MACROH2A2: variants seen among roughly 807,000 people sequenced by gnomAD.
MACROH2A2 encodes macroH2A.2 histone.
A neutral mutation model predicts 37.6 loss-of-function variants in MACROH2A2; 6 were observed. That is an observed-to-expected ratio of 0.16 (90% CI 0.09 to 0.32). MACROH2A2 has a LOEUF of 0.32. MACROH2A2 is among the 10% of genes least tolerant of loss of function. The probability of loss-of-function intolerance (pLI) is 1.00; values close to 1 mark genes in which losing one functional copy is unlikely to be tolerated. For synonymous variants in MACROH2A2, 192 were observed against 202.7 expected, an observed-to-expected ratio of 0.95 and a Z score of 0.45; for missense variants, 290 against 485.9, an observed-to-expected ratio of 0.60 and a Z score of 3.79.
chr10:70,111,592 C>T lies in MACROH2A2; in HGVS notation c.1028C>T (p.Ala343Val), dbSNP rs375816544. ...AISAHFDDSS[A>V]SSLKNVYFLL... ...TCAGCCCACTTTGATGACTCGAGCG[C>T]GTCCTCGCTGAAGAACGTGTACTTC... The change falls in exon 9 of 9, where the codon GCG (alanine) becomes GTG (valine). Residue 343 changes from alanine (A) to valine (V), a missense_variant. By Grantham distance (64) the Ala-to-Val change is moderately conservative. Around this residue, in one of 3 missense-constraint regions of MACROH2A2, gnomAD observed 130 missense variants for 257.1 expected, o/e 0.51. Transcript: ENST00000373255. 3.1e-6 allele frequency: 5 copies of T among 1,613,652 alleles called. No individual in the cohort carries two copies. The highest frequency in any genetic ancestry group is 1.7e-5 in the Admixed American group (1 of 59,954).
chr10:70,099,008 T>C (rs1186119127), intron 6 of MACROH2A2: 1 of 152,206 alleles, frequency 6.6e-6, no homozygotes, highest in Non-Finnish European at 1.5e-5. Context: ...AGGGCGCCAG[T>C]GTAGACCTAG....
At chr10:70,079,512 C>T (rs1395759006) in intron 2 of MACROH2A2, among the ~76,000 whole-genome samples, 1 of 151,234 alleles carries the variant, frequency 6.6e-6, no homozygotes, top group Non-Finnish European at 1.5e-5. Context: ...GGGCAGCAGG[C>T]GCTAGACTGT....
At chr10:70,078,772 G>C (rs955275880) in intron 2 of MACROH2A2, among the ~76,000 whole-genome samples, 3 of 152,214 alleles carry the variant, frequency 2.0e-5, no homozygotes, top group African/African-American at 7.2e-5. Flanking sequence ...GAGACAAGGT[G>C]TTTTAATCCA....
At chr10:70,098,077 C>CA (rs1163765803) in intron 6 of MACROH2A2, 1 of 152,040 alleles carries the variant, frequency 6.6e-6, no homozygotes, top group Non-Finnish European at 1.5e-5. Context: ...CCCATCTCTA[C>CA]AAAAAATACA....
rs2072298988 is a variant in MACROH2A2, at chr10:70,100,284, G to A, written c.765G>A (p.Leu255=). 2 of 1,598,320 alleles carry A rather than the reference G, an allele frequency of 1.3e-6. No individual in the cohort carries two copies. The highest frequency in any genetic ancestry group is 1.7e-6 in the Non-Finnish European group (2 of 1,166,764). Residue 255 remains leucine, a synonymous_variant, in exon 7 of 9, where the codon TTG becomes TTA. Coordinates refer to ENST00000373255, the MANE Select transcript of MACROH2A2 (RefSeq NM_018649.3). ...AGCTTCGCAAATCCCAAGGCCCTTT[G>A]GAAGTCGCCGAAGGTAAGTGTGGAA... ...VKELRKSQGP[L]EVAEAAVSQS...
Position 70,107,098 on chromosome 10 carries a change from A to G in MACROH2A2, c.779-1935A>G, listed in dbSNP as rs560170590. Among the ~76,000 whole-genome samples, 3 of 152,274 alleles carry G rather than the reference A, an allele frequency of 2.0e-5. No individual in the cohort carries two copies. Among genetic ancestry groups the G allele is most frequent in the South Asian group, 2.1e-4 (1 of 4,822 alleles). On this transcript the variant is annotated intron_variant, in intron 7 of 8. Coordinates refer to ENST00000373255, the MANE Select transcript of MACROH2A2 (RefSeq NM_018649.3). The surrounding 1 kb of genome is among the most constrained non-coding windows in gnomAD (Gnocchi z 4.4). Reference sequence around the variant, plus strand: ...ATACGTGGTCGTAGAGTCAGCACGCATGGCGGGCCCCTACCCAGGGCCTCG... The same window carrying G: ...ATACGTGGTCGTAGAGTCAGCACGCGTGGCGGGCCCCTACCCAGGGCCTCG...
chr10:70,074,057 C>T (rs1458179363), intron 1 of MACROH2A2, among the ~76,000 whole-genome samples: 1 of 152,176 alleles, frequency 6.6e-6, no homozygotes, highest in Non-Finnish European at 1.5e-5. Context: ...TTGCTCCTGA[C>T]CGTTTGTCCC....
chr10:70,105,134 A>ATAT (rs983670495), intron 7 of MACROH2A2, among the ~76,000 whole-genome samples: 5 of 152,308 alleles, frequency 3.3e-5, no homozygotes, highest in Non-Finnish European at 7.3e-5. Flanking sequence ...CATTTGTTGA[A>ATAT]TATTGGAGCA....
intron 7 of MACROH2A2, among the ~76,000 whole-genome samples, chr10:70,105,237 C>T (rs569483312): frequency 2.6e-5 from 4 of 152,330 alleles, no homozygotes; most frequent in African/African-American, 4.8e-5. Context: ...AACCAGTTCA[C>T]GTTAAGCATC....
intron 3 of MACROH2A2, 127 bp downstream of exon 3, chr10:70,090,293 C>A: frequency 1.5e-6 from 1 of 649,492 alleles, no homozygotes; most frequent in East Asian, 2.7e-5. Flanking sequence ...AAACTCAGGC[C>A]ATATAAAAGA....
At position 70,091,764 on chromosome 10, in the gene MACROH2A2, A is replaced by G; in HGVS notation, c.287A>G (p.Lys96Arg). The change falls in exon 4 of 9, where the codon AAA (lysine) becomes AGA (arginine). Residue 96 changes from lysine (K) to arginine (R), a missense_variant. By Grantham distance (26) the Lys-to-Arg change is conservative. Coordinates refer to ENST00000373255, the MANE Select transcript of MACROH2A2 (RefSeq NM_018649.3). Reference sequence around the variant, plus strand: ...ATGCATTTCTCTCTTCAGCTGCTAAAAGGAGTGACCATCGCCAGTGGAGGC... The same window carrying G: ...ATGCATTTCTCTCTTCAGCTGCTAAGAGGAGTGACCATCGCCAGTGGAGGC... The part of the protein sequence containing the change: ...ANDEELNQLL[K>R]GVTIASGGVL... 6.2e-7 allele frequency: 1 copy of G among 1,613,496 alleles called. No individual in the cohort carries two copies. Among genetic ancestry groups the G allele is most frequent in the Non-Finnish European group, 8.5e-7 (1 of 1,179,490 alleles).
chr10:70,070,307 C>T (rs2072101929), intron 1 of MACROH2A2, among the ~76,000 whole-genome samples: 1 of 152,182 alleles, frequency 6.6e-6, no homozygotes, highest in Non-Finnish European at 1.5e-5. Context: ...GGGATTTCCT[C>T]TAAGGCCCTC....
Position 70,075,569 on chromosome 10 carries a change from C to A in MACROH2A2, c.-59-31C>A. 1 of 1,304,196 alleles carries A rather than the reference C, an allele frequency of 7.7e-7. No homozygotes were observed. Among genetic ancestry groups the A allele is most frequent in the Non-Finnish European group, 1.1e-6 (1 of 915,650 alleles). 80.8% of individuals were successfully genotyped at this position (1,304,196 alleles called of 1,614,324 possible). On this transcript the variant is annotated intron_variant, in intron 1 of 8. Transcript: ENST00000373255. The surrounding 1 kb of genome is among the most constrained non-coding windows in gnomAD (Gnocchi z 5.0). ...GTGCCCAAGATGTTTGCCAACTACC[C>A]TTCCTCAACTCTGTCTTCTTTCCTT...
intron 2 of MACROH2A2, among the ~76,000 whole-genome samples, chr10:70,078,795 A>C (rs1487178780): frequency 6.6e-6 from 1 of 152,220 alleles, no homozygotes; most frequent in Non-Finnish European, 1.5e-5. Flanking sequence ...GGAATGAATC[A>C]TATTAGTGGA....
rs1359107203 is a variant in MACROH2A2 at position 70,112,252 on chromosome 10, A to AAAT, written c.*572_*574dup. ...TAAGAAAAAGAAAATGAAAGGAAAA[A>AAAT]AATAAAAGATCCAGTGTCTTTCTTA... On this transcript the variant is annotated 3_prime_UTR_variant, in exon 9 of 9. Coordinates refer to ENST00000373255, the MANE Select transcript of MACROH2A2 (RefSeq NM_018649.3). 1 of 152,162 alleles carries AAAT rather than the reference A, an allele frequency of 6.6e-6. No individual in the cohort carries two copies. The highest frequency in any genetic ancestry group is 1.5e-5 in the Non-Finnish European group (1 of 68,038). The allele number at this position is 152,162 out of a possible 1,614,324, so 9.4% of individuals were successfully genotyped here. A position where few individuals can be genotyped will look rare whatever the true frequency, so the allele number is the denominator to read the frequency against.
chr10:70,093,573 A>G (rs2072258581), intron 4 of MACROH2A2, among the ~76,000 whole-genome samples, 162 bp from the exon 5 acceptor site: 1 of 152,100 alleles, frequency 6.6e-6, no homozygotes, highest in Admixed American at 6.5e-5. Context: ...CTTTCCTTAT[A>G]TTGCTGACTT....
At chr10:70,089,186 C>T (rs1317315952) in intron 2 of MACROH2A2, among the ~76,000 whole-genome samples, 1 of 152,212 alleles carries the variant, frequency 6.6e-6, no homozygotes, top group African/African-American at 2.4e-5. Context: ...CTATTCTCTT[C>T]AGAGATGGCC....
At chr10:70,108,972 T>C in intron 7 of MACROH2A2, 61 bp from the exon 8 acceptor site, 2 of 1,474,646 alleles carry the variant, frequency 1.4e-6, no homozygotes, top group Non-Finnish European at 1.9e-6. Context: ...CTGATGAGGT[T>C]AGGCTATAAC....
rs376771071 is a variant in MACROH2A2 at position 70,084,886 on chromosome 10, C to T, written c.173-5174C>T. On this transcript the variant is annotated intron_variant, in intron 2 of 8. Transcript: ENST00000373255. ...GCCTCCCAAAGTGCTGGGACCACAC[C>T]CGGCTAGGAGCATCTTTTTCTAATT... Among the ~76,000 whole-genome samples the T allele has an allele frequency of 8.5e-5, 13 of 152,178 alleles. No individual in the cohort carries two copies. In the East Asian group the frequency reaches 1.7e-3, roughly 20 times the overall value.
Sources: allele counts gnomAD v4.1 joint callset (sites outside exome capture counted in the v4.1 genomes callset), GRCh38; gene constraint gnomAD v4.1.1; regional missense constraint gnomAD v4.1.1; non-coding constraint Gnocchi (gnomAD v3.1); transcripts MANE v1.5; gene names NCBI Gene and HGNC (gene_info 2026-07-23, HGNC 2026-07-21).